The following HIPK2 variants were observed in gnomAD, a reference collection of about 807,000 sequenced individuals.
HIPK2 encodes homeodomain interacting protein kinase 2, also known as homeodomain-interacting protein kinase 2.
In HIPK2, 27 loss-of-function variants were observed where a neutral mutation model predicts 113.7. The observed-to-expected ratio is 0.24, with a 90% confidence interval of 0.17 to 0.33. The LOEUF (loss-of-function observed/expected upper bound fraction) is 0.33. HIPK2 is among the 10% of genes least tolerant of loss of function. The pLI, the probability that HIPK2 is intolerant of heterozygous loss-of-function variation, is 1.00. For synonymous variants in HIPK2, 631 were observed against 642.2 expected (o/e 0.98, Z 0.26); for missense variants, 1,257 against 1,588.0 (o/e 0.79, Z 3.54).
At chr7:139,661,726 CAT>C (rs1801873452) in intron 2 of HIPK2, among the ~76,000 whole-genome samples, 1 of 152,148 alleles carries the variant, frequency 6.6e-6, no homozygotes, top group Non-Finnish European at 1.5e-5. Context: ...AAAAAAATCT[CAT>C]ATGTTTTAAG....
intron 6 of HIPK2, 135 bp downstream of exon 6, chr7:139,626,466 T>C: frequency 3.5e-6 from 3 of 854,798 alleles, no homozygotes; most frequent in Non-Finnish European, 5.5e-6. Context: ...GTATTGCATC[T>C]GTGGCTGCTT....
At chr7:139,735,104 G>T (rs6605557) in intron 1 of HIPK2, among the ~76,000 whole-genome samples, 9,727 of 152,208 alleles carry the variant, frequency 0.064, 581 homozygotes, top group Admixed American at 0.19. Context: ...ACTGTCGAGG[G>T]GGGAAGGGAA....
intron 12 of HIPK2, among the ~76,000 whole-genome samples, chr7:139,589,257 G>C (rs1358131539): frequency 6.6e-6 from 1 of 152,156 alleles, no homozygotes; most frequent in Admixed American, 6.5e-5. Context: ...GATTCCTAGA[G>C]ACATTCTAAA....
At chr7:139,661,083 G>A (rs997402692) in intron 2 of HIPK2, among the ~76,000 whole-genome samples, 1 of 152,080 alleles carries the variant, frequency 6.6e-6, no homozygotes, top group Non-Finnish European at 1.5e-5. Context: ...TTGATCTATT[G>A]CCAATTTCCT....
At chr7:139,719,592 G>A (rs966608001) in intron 1 of HIPK2, among the ~76,000 whole-genome samples, 9 of 152,106 alleles carry the variant, frequency 5.9e-5, no homozygotes, top group African/African-American at 1.7e-4. Flanking sequence ...TCAAAGATGC[G>A]CTTCCAAAGC....
intron 7 of HIPK2, among the ~76,000 whole-genome samples, chr7:139,615,883 T>C (rs988929562): frequency 2.6e-5 from 4 of 152,336 alleles, no homozygotes; most frequent in African/African-American, 9.6e-5. Context: ...TATTTTAAAG[T>C]GGGTGTGCTT....
chr7:139,655,264 A>G (rs1399618800), intron 2 of HIPK2, among the ~76,000 whole-genome samples: 1 of 152,268 alleles, frequency 6.6e-6, no homozygotes, highest in Non-Finnish European at 1.5e-5. Flanking sequence ...AAAAGGGTTG[A>G]GCAGGCACAC....
At chr7:139,709,648 T>C (rs549747697) in intron 2 of HIPK2, among the ~76,000 whole-genome samples, 5 of 152,140 alleles carry the variant, frequency 3.3e-5, no homozygotes, top group Admixed American at 6.5e-5. Context: ...GCCCAGGTCA[T>C]AATGGGATCC....
chr7:139,765,004 C>T (rs769485529), intron 1 of HIPK2, among the ~76,000 whole-genome samples: 78 of 151,950 alleles, frequency 5.1e-4, no homozygotes, highest in Non-Finnish European at 2.9e-4. Context: ...GGCATGGTGG[C>T]GGGTGCTTGT....
At chr7:139,659,506 G>C (rs1045938856) in intron 2 of HIPK2, among the ~76,000 whole-genome samples, 1 of 152,192 alleles carries the variant, frequency 6.6e-6, no homozygotes, top group Non-Finnish European at 1.5e-5. Flanking sequence ...GCTTGTGCAC[G>C]GATAGAGAGA....
At position 139,606,641 on chromosome 7, in the gene HIPK2, C is replaced by T. The variant is rs372479684; in HGVS notation, c.2113-2418G>A. ...CATGCTTATACCACCCTCCACTCCC[C>T]GCCCCAAAGCAGGAGGCTAGACAAT... is the stretch of plus-strand genomic sequence containing the variant. On this transcript the variant is annotated intron_variant, in intron 9 of 14. Transcript: ENST00000406875. 6.6e-5 allele frequency among the ~76,000 whole-genome samples: 10 copies of T among 152,306 alleles called. No homozygotes were observed. In the South Asian group the frequency reaches 1.0e-3, roughly 16 times the overall value.
chr7:139,716,197 A>G lies in HIPK2; in HGVS notation c.838T>C (p.Leu280=), dbSNP rs1318848727. The G allele has an allele frequency of 1.2e-6, 2 of 1,614,072 alleles. No homozygotes were observed. Among genetic ancestry groups the G allele is most frequent in the Middle Eastern group, 1.6e-4 (1 of 6,062 alleles). Residue 280 remains leucine (L), a synonymous_variant, in exon 2 of 15, where the codon TTG becomes CTG. Transcript: ENST00000406875. This position sits in a 1 kb window ranked among gnomAD's most constrained non-coding sequence, Gnocchi z 9.3. ...AGAAAGTCATAGAGGTTCTGCTCCA[A>G]CATCTCGAAGACCAAGCACGTGTGG... is the stretch of plus-strand genomic sequence containing the variant. The part of the protein sequence containing the change: ...KNHTCLVFEM[L]EQNLYDFLKQ...
rs1253277636 is a variant in HIPK2 at position 139,567,024 on chromosome 7, T to G, written c.*5903A>C. On this transcript the variant is annotated 3_prime_UTR_variant, in exon 15 of 15. Coordinates refer to ENST00000406875, the MANE Select transcript of HIPK2 (RefSeq NM_022740.5). ...AAGCTGCAACAAGAGAAACCTCTACTATGCTGGGTCCCTCTAGTGAGCCAC... is the reference window on the plus strand; with the variant it reads ...AAGCTGCAACAAGAGAAACCTCTACGATGCTGGGTCCCTCTAGTGAGCCAC... The G allele has an allele frequency of 6.6e-6, 1 of 152,214 alleles. No homozygotes were observed. Among genetic ancestry groups the G allele is most frequent in the Non-Finnish European group, 1.5e-5 (1 of 68,048 alleles). 9.4% of individuals were successfully genotyped at this position (152,214 alleles called of 1,614,324 possible).
In HIPK2 at chr7:139,586,759, C is replaced by CA. The variant is rs34465474; in HGVS notation, c.2718-2696dup. The stretch of plus-strand genomic sequence containing the variant: ...GGGTGTCAGAGTGAAACCCTGTCTC[C>CA]AAAAAAAAAAAGTTCTGATACATGC... On this transcript the variant is annotated intron_variant, in intron 12 of 14. Coordinates refer to ENST00000406875, the MANE Select transcript of HIPK2 (RefSeq NM_022740.5). Among the ~76,000 whole-genome samples the CA allele has an allele frequency of 5.7e-3, 773 of 136,170 alleles. 7 individuals carry two copies. Among genetic ancestry groups the CA allele is most frequent in the African/African-American group, 0.019 (696 of 37,136 alleles). 89.3% of individuals were successfully genotyped at this position (136,170 alleles called of 152,430 possible).
chr7:139,635,175 T>A (rs531778843), intron 2 of HIPK2, among the ~76,000 whole-genome samples: 18 of 152,244 alleles, frequency 1.2e-4, no homozygotes, highest in Admixed American at 1.1e-3. Flanking sequence ...CTCACCTCTG[T>A]CCCCCGATTC....
At chr7:139,574,088 G>A (rs1396522640) in intron 14 of HIPK2, among the ~76,000 whole-genome samples, 1 of 152,152 alleles carries the variant, frequency 6.6e-6, no homozygotes, top group Non-Finnish European at 1.5e-5. Flanking sequence ...GGGCTCCCGA[G>A]AAGCTGGGAC....
chr7:139,743,312 A>G lies in HIPK2; in HGVS notation c.20-26297T>C, dbSNP rs79718846. Among the ~76,000 whole-genome samples, 1,096 of 152,378 alleles carry G rather than the reference A, an allele frequency of 7.2e-3. 11 individuals carry two copies. The highest frequency in any genetic ancestry group is 0.025 in the African/African-American group (1,028 of 41,590). ...TGGGGGCACAGGGTACAGTTCTCAG[A>G]ATAGAGAAGAATGTCCAGGTCAAAG... is the stretch of plus-strand genomic sequence containing the variant. On this transcript the variant is annotated intron_variant, in intron 1 of 14. Transcript: ENST00000406875.
In HIPK2 at chr7:139,583,811, A is replaced by T. The variant is rs1405329780; in HGVS notation, c.2965+6T>A. The T allele has an allele frequency of 1.2e-6, 2 of 1,608,758 alleles. No homozygotes were observed. Among genetic ancestry groups the T allele is most frequent in the Non-Finnish European group, 1.7e-6 (2 of 1,177,466 alleles). ...AGGTTCCTGCCCTGTCCTGGCCCCA[A>T]ATTACCTGGCACCAGGCTATCACAC... On this transcript the variant is annotated splice_donor_region_variant and intron_variant, in intron 13 of 14. Coordinates refer to ENST00000406875, the MANE Select transcript of HIPK2 (RefSeq NM_022740.5).
At chr7:139,626,573 G>C in intron 6 of HIPK2, 28 bp downstream of exon 6, 1 of 1,601,556 alleles carries the variant, frequency 6.2e-7, no homozygotes, top group South Asian at 1.1e-5. Flanking sequence ...GCCGATCCCT[G>C]GTACGAAGCA....
Sources: gnomAD v4.1 joint callset for allele counts (sites outside exome capture counted in the v4.1 genomes callset) on GRCh38, gnomAD v4.1.1 for gene constraint, Gnocchi (gnomAD v3.1) non-coding constraint, MANE v1.5 for transcripts, NCBI Gene and HGNC (gene_info 2026-07-23, HGNC 2026-07-21) for gene names.